The following DPP6 variants were observed in gnomAD, a reference collection of about 807,000 sequenced individuals.
DPP6 encodes the protein A-type potassium channel modulatory protein DPP6.
In DPP6, 69 loss-of-function variants were observed where a neutral mutation model predicts 122.6. The observed-to-expected ratio is 0.56, with a 90% CI of 0.46 to 0.69. DPP6 has a LOEUF of 0.69. DPP6 is among the 30% of genes least tolerant of loss of function. The pLI is 0.00. For missense variants in DPP6, 928 were observed against 1,116.9 expected (o/e 0.83, Z 2.41); for synonymous variants, 418 against 433.1 (o/e 0.97, Z 0.43).
At chr7:154,345,204 G>T (rs970496709) in intron 1 of DPP6, among the ~76,000 whole-genome samples, 1 of 152,122 alleles carries the variant, frequency 6.6e-6, no homozygotes, top group Non-Finnish European at 1.5e-5. Context: ...CCGGGCAGGA[G>T]GGGAGAGAGA....
rs1039366699 is a variant in DPP6, at chr7:154,728,556, T to C, written c.883+669T>C. On this transcript the variant is annotated intron_variant, in intron 8 of 25. Coordinates refer to ENST00000377770, the MANE Select transcript of DPP6 (RefSeq NM_130797.4). ...ACCAGGTATTGATTGCTATTAGCTG[T>C]CAGGCACTGCTGGAAGCACTTTGTT... Among the ~76,000 whole-genome samples the C allele has an allele frequency of 2.6e-5, 4 of 152,362 alleles. No homozygotes were observed. In the South Asian group the frequency reaches 8.3e-4, roughly 32 times the overall value.
At chr7:153,765,865 T>C in the DPP6 span, among the ~76,000 whole-genome samples, 2 of 152,212 alleles carry the variant, frequency 1.3e-5, no homozygotes, top group African/African-American at 2.4e-5. Flanking sequence ...CTTTTCACAA[T>C]AAAATCCTCC....
chr7:154,728,243 G>C (rs2131367450), intron 8 of DPP6, among the ~76,000 whole-genome samples: 1 of 152,324 alleles, frequency 6.6e-6, no homozygotes, highest in South Asian at 2.1e-4. Context: ...GACTGCAAAT[G>C]CATGTGTCTC....
At chr7:153,886,400 TG>T (rs1242304924), upstream of DPP6, among the ~76,000 whole-genome samples, 1 of 151,884 alleles carries the variant, frequency 6.6e-6, no homozygotes, top group Non-Finnish European at 1.5e-5. Context: ...AAATGGGCGC[TG>T]GGATTTGGCC....
intron 1 of DPP6, among the ~76,000 whole-genome samples, chr7:154,348,148 T>C (rs55849842): frequency 0.073 from 11,092 of 151,532 alleles, 1,059 homozygotes; most frequent in African/African-American, 0.22. Context: ...AGGAGACATA[T>C]GTAACACACC....
At chr7:153,781,728 C>T in the DPP6 span, among the ~76,000 whole-genome samples, 1 of 151,832 alleles carries the variant, frequency 6.6e-6, no homozygotes, top group Non-Finnish European at 1.5e-5. Flanking sequence ...AGATTGATAG[C>T]AGGGTTAGAT....
the DPP6 span, among the ~76,000 whole-genome samples, chr7:153,854,358 C>T: frequency 1.3e-5 from 2 of 151,926 alleles, no homozygotes; most frequent in African/African-American, 4.8e-5. Flanking sequence ...GGCTAATATC[C>T]AGAATCTACA....
intron 1 of DPP6, among the ~76,000 whole-genome samples, chr7:153,955,266 C>G (rs931275954): frequency 1.3e-5 from 2 of 152,062 alleles, no homozygotes; most frequent in African/African-American, 2.4e-5. Context: ...GAATATTTGT[C>G]TAGATGGCTT....
At chr7:154,108,230 C>T (rs1353905832) in intron 1 of DPP6, among the ~76,000 whole-genome samples, 2 of 152,108 alleles carry the variant, frequency 1.3e-5, no homozygotes, top group Non-Finnish European at 2.9e-5. Flanking sequence ...AAGAGGTGAG[C>T]AAGTATCCCA....
At chr7:154,548,011 C>T (rs1829332962) in intron 4 of DPP6, among the ~76,000 whole-genome samples, 1 of 151,288 alleles carries the variant, frequency 6.6e-6, no homozygotes, top group Non-Finnish European at 1.5e-5. Flanking sequence ...GAGTTCAAGA[C>T]CAGCCTGGCC....
At chr7:153,913,219 C>G (rs1466811313) in intron 1 of DPP6, among the ~76,000 whole-genome samples, 1 of 152,140 alleles carries the variant, frequency 6.6e-6, no homozygotes, top group African/African-American at 2.4e-5. Flanking sequence ...GGATTACAGG[C>G]AAGCACCACC....
At chr7:154,061,261 A>G (rs533733039) in intron 1 of DPP6, among the ~76,000 whole-genome samples, 13 of 149,580 alleles carry the variant, frequency 8.7e-5, no homozygotes, top group Admixed American at 4.6e-4. Context: ...TGGGGATCCC[A>G]ACAACAGCAA....
intron 1 of DPP6, among the ~76,000 whole-genome samples, chr7:154,368,794 G>T (rs1812399910): frequency 6.6e-6 from 1 of 152,310 alleles, no homozygotes; most frequent in Non-Finnish European, 1.5e-5. Flanking sequence ...AACAAGAACA[G>T]TTTTTATATT....
chr7:154,352,660 C>T (rs1332511640), intron 1 of DPP6, among the ~76,000 whole-genome samples: 1 of 151,298 alleles, frequency 6.6e-6, no homozygotes, highest in Non-Finnish European at 1.5e-5. Context: ...GAACATCATA[C>T]ACTGGGGCCT....
At chr7:154,539,223 C>T (rs1828510751) in intron 3 of DPP6, among the ~76,000 whole-genome samples, 1 of 152,144 alleles carries the variant, frequency 6.6e-6, no homozygotes, top group Non-Finnish European at 1.5e-5. Flanking sequence ...AACCTGCAAC[C>T]CTACATTTCA....
At chr7:154,495,552 G>C (rs1291889865) in intron 3 of DPP6, among the ~76,000 whole-genome samples, 3 of 152,002 alleles carry the variant, frequency 2.0e-5, no homozygotes, top group Non-Finnish European at 2.9e-5. Context: ...ACCATGCCCG[G>C]CTAATTTTTG....
chr7:154,158,104 T>C (rs1176660004), intron 1 of DPP6, among the ~76,000 whole-genome samples: 1 of 149,910 alleles, frequency 6.7e-6, no homozygotes, highest in East Asian at 1.9e-4. Flanking sequence ...CATACTCCCA[T>C]ATAATTATGT....
chr7:154,217,034 A>G (rs1270397519), intron 1 of DPP6, among the ~76,000 whole-genome samples: 1 of 152,114 alleles, frequency 6.6e-6, no homozygotes, highest in Non-Finnish European at 1.5e-5. Flanking sequence ...GGTGAGAGAA[A>G]TGCTTACCTT....
intron 7 of DPP6, among the ~76,000 whole-genome samples, chr7:154,678,337 C>T (rs1232106710): frequency 3.9e-5 from 6 of 152,138 alleles, no homozygotes; most frequent in Admixed American, 1.3e-4. Flanking sequence ...GTTCGCACTA[C>T]GTGTATGAGC....
Sources: allele counts gnomAD v4.1 joint callset (sites outside exome capture counted in the v4.1 genomes callset), GRCh38; gene constraint gnomAD v4.1.1; transcripts MANE v1.5; gene names NCBI Gene and HGNC (gene_info 2026-07-23, HGNC 2026-07-21).